DPP10: variants seen among roughly 807,000 people sequenced by gnomAD.
The protein encoded by DPP10 is inactive dipeptidyl peptidase 10.
DPP10 carries 33 observed loss-of-function variants against 120.9 expected under a neutral mutation model. The observed-to-expected ratio is 0.27, with a 90% CI of 0.21 to 0.37. DPP10 has a LOEUF of 0.37. Ranked by LOEUF, DPP10 falls within the 10% of genes least tolerant of loss-of-function variation. DPP10 has a pLI of 1.00. For synonymous variants in DPP10, 337 were observed against 326.1 expected (o/e 1.03, Z -0.36); for missense variants, 816 against 942.8 (o/e 0.87, Z 1.76).
chr2:115,598,777 T>G (rs945316686), intron 5 of DPP10, among the ~76,000 whole-genome samples: 5 of 150,668 alleles, frequency 3.3e-5, no homozygotes, highest in African/African-American at 7.3e-5. Flanking sequence ...GCTTTTCATC[T>G]GGTATAATTT....
chr2:114,457,327 C>T (rs1678637497), intron 1 of DPP10, among the ~76,000 whole-genome samples: 1 of 152,180 alleles, frequency 6.6e-6, no homozygotes, highest in Admixed American at 6.5e-5. Context: ...CATCCCTGGC[C>T]TCTACCAGTC....
chr2:115,542,436 T>C (rs1052744291), intron 5 of DPP10, among the ~76,000 whole-genome samples: 1 of 151,896 alleles, frequency 6.6e-6, no homozygotes, highest in African/African-American at 2.4e-5. Flanking sequence ...CATTGCTGAG[T>C]AGTAGACAGT....
chr2:115,208,745 G>T (rs1488400449), intron 1 of DPP10, among the ~76,000 whole-genome samples: 1 of 152,138 alleles, frequency 6.6e-6, no homozygotes, highest in African/African-American at 2.4e-5. Flanking sequence ...TGCAACCACA[G>T]TGGCAGGACG....
At chr2:114,903,332 G>A (rs888771114) in intron 1 of DPP10, among the ~76,000 whole-genome samples, 1 of 152,130 alleles carries the variant, frequency 6.6e-6, no homozygotes, top group African/African-American at 2.4e-5. Context: ...TATGGTAAAT[G>A]TATGTATAAG....
intron 1 of DPP10, among the ~76,000 whole-genome samples, chr2:115,060,287 G>A (rs1038683975): frequency 2.0e-5 from 3 of 151,588 alleles, no homozygotes; most frequent in Non-Finnish European, 4.4e-5. Flanking sequence ...AGAAAGGATA[G>A]GTAGATTTAT....
At chr2:115,684,034 A>C (rs2090830558) in intron 5 of DPP10, among the ~76,000 whole-genome samples, 1 of 151,888 alleles carries the variant, frequency 6.6e-6, no homozygotes, top group Non-Finnish European at 1.5e-5. Flanking sequence ...TAAGGTTATA[A>C]ATCTATCCAA....
chr2:115,365,562 A>G (rs574437312), intron 3 of DPP10, among the ~76,000 whole-genome samples: 17 of 152,062 alleles, frequency 1.1e-4, no homozygotes, highest in Admixed American at 8.5e-4. Flanking sequence ...GATTCTTTAT[A>G]TGAAAGTATT....
chr2:115,057,791 C>T (rs1706050184), intron 1 of DPP10, among the ~76,000 whole-genome samples: 1 of 152,078 alleles, frequency 6.6e-6, no homozygotes, highest in African/African-American at 2.4e-5. Flanking sequence ...TTGGACAAGG[C>T]TTTGAAGGTT....
At chr2:115,506,871 AC>A (rs1278421425) in intron 4 of DPP10, among the ~76,000 whole-genome samples, 6 of 152,130 alleles carry the variant, frequency 3.9e-5, no homozygotes, top group Non-Finnish European at 7.4e-5. Flanking sequence ...GTTTGCCTTA[AC>A]TTGTCTGAAG....
intron 1 of DPP10, among the ~76,000 whole-genome samples, chr2:114,722,805 C>G (rs1215558114): frequency 7.3e-6 from 1 of 137,074 alleles, no homozygotes; most frequent in East Asian, 2.3e-4. Context: ...AAAAAAGCAA[C>G]TAGCCAATAG....
intron 5 of DPP10, among the ~76,000 whole-genome samples, chr2:115,625,987 C>CT (rs2085327032): frequency 1.3e-5 from 2 of 150,724 alleles, no homozygotes; most frequent in East Asian, 3.9e-4. Context: ...ATCTGTTTGT[C>CT]TATTTGTCTG....
intron 1 of DPP10, among the ~76,000 whole-genome samples, chr2:114,559,910 A>C (rs985807963): frequency 1.3e-5 from 2 of 151,390 alleles, no homozygotes; most frequent in Admixed American, 6.6e-5. Flanking sequence ...AAAAAAAAAA[A>C]AACAAAGGAA....
At chr2:115,560,138 A>C (rs905569656) in intron 5 of DPP10, among the ~76,000 whole-genome samples, 8 of 151,398 alleles carry the variant, frequency 5.3e-5, no homozygotes, top group Non-Finnish European at 1.2e-4. Context: ...TGGGAGGCTG[A>C]GGCGGGTGGA....
intron 1 of DPP10, among the ~76,000 whole-genome samples, chr2:114,700,498 GT>G (rs1394429705): frequency 6.6e-6 from 1 of 152,094 alleles, no homozygotes; most frequent in African/African-American, 2.4e-5. Flanking sequence ...AAAATTTTAG[GT>G]AAAGTTTCAA....
intron 1 of DPP10, among the ~76,000 whole-genome samples, chr2:114,465,973 C>G (rs1679332796): frequency 6.6e-6 from 1 of 152,146 alleles, no homozygotes; most frequent in African/African-American, 2.4e-5. Flanking sequence ...TGTTGTTAAC[C>G]AACCTTTGGC....
At chr2:115,188,633 A>G (rs2054641288) in intron 1 of DPP10, among the ~76,000 whole-genome samples, 1 of 152,202 alleles carries the variant, frequency 6.6e-6, no homozygotes, top group Admixed American at 6.5e-5. Flanking sequence ...TTTATACTAC[A>G]CTGCAATACC....
At chr2:115,813,119 C>T (rs1358911707) in intron 19 of DPP10, among the ~76,000 whole-genome samples, 2 of 150,582 alleles carry the variant, frequency 1.3e-5, no homozygotes, top group African/African-American at 5.0e-5. Context: ...GTAGCTGGGA[C>T]TACAGGCGCC....
intron 1 of DPP10, among the ~76,000 whole-genome samples, chr2:114,580,974 C>T (rs1240734431): frequency 6.6e-6 from 1 of 151,864 alleles, no homozygotes; most frequent in Non-Finnish European, 1.5e-5. Flanking sequence ...TTGTGGACGA[C>T]TTAAAAAGGG....
intron 1 of DPP10, among the ~76,000 whole-genome samples, chr2:114,486,886 A>G (rs996205682): frequency 3.3e-5 from 5 of 152,150 alleles, no homozygotes; most frequent in Non-Finnish European, 5.9e-5. Context: ...CCAATCAACC[A>G]TTTCAATCTC....
Sources: gnomAD v4.1 joint callset for allele counts (sites outside exome capture counted in the v4.1 genomes callset) on GRCh38, gnomAD v4.1.1 for gene constraint, MANE v1.5 for transcripts, NCBI Gene and HGNC (gene_info 2026-07-23, HGNC 2026-07-21) for gene names.